Variants in IQCM observed in about 807,000 individuals in gnomAD.
The protein encoded by IQCM is IQ domain-containing protein M.
IQCM carries 45 observed loss-of-function variants against 57.6 expected under a neutral mutation model. The ratio of observed to expected loss-of-function variants is 0.78; its 90% confidence interval spans 0.62 to 1.00. IQCM has a LOEUF of 1.00. IQCM is among the 50% of genes least tolerant of loss of function. The probability of loss-of-function intolerance (pLI) is 0.00; values close to 1 mark genes in which losing one functional copy is unlikely to be tolerated. For synonymous variants in IQCM, 148 were observed against 158.9 expected (o/e 0.93, Z 0.51); for missense variants, 468 against 511.6 (o/e 0.91, Z 0.82).
At chr4:149,361,077 C>T (rs1209695586) in intron 13 of IQCM, among the ~76,000 whole-genome samples, 1 of 152,114 alleles carries the variant, frequency 6.6e-6, no homozygotes, top group Non-Finnish European at 1.5e-5. Context: ...GTAAAGGTGA[C>T]TCTTGTTACA....
chr4:149,778,645 C>G (rs1771328145), intron 2 of IQCM, among the ~76,000 whole-genome samples: 1 of 151,720 alleles, frequency 6.6e-6, no homozygotes, highest in Admixed American at 6.6e-5. Flanking sequence ...ACAAAAATTA[C>G]TAATATTAGA....
chr4:149,714,620 T>TATAC (rs1455985789), intron 5 of IQCM, among the ~76,000 whole-genome samples: 1 of 152,196 alleles, frequency 6.6e-6, no homozygotes. Context: ...TGTTTGTTCC[T>TATAC]ATACATACAT....
At chr4:149,455,204 C>T (rs1436341801) in intron 12 of IQCM, among the ~76,000 whole-genome samples, 1 of 151,992 alleles carries the variant, frequency 6.6e-6, no homozygotes, top group Non-Finnish European at 1.5e-5. Flanking sequence ...GCCGCACTGG[C>T]AGTTTATGCA....
intron 2 of IQCM, among the ~76,000 whole-genome samples, chr4:149,759,445 T>C (rs2149958417): frequency 6.6e-6 from 1 of 152,224 alleles, no homozygotes; most frequent in South Asian, 2.1e-4. Flanking sequence ...TCATCAATTG[T>C]AACAAATATA....
At chr4:149,700,516 C>T (rs1191778194) in intron 5 of IQCM, among the ~76,000 whole-genome samples, 2 of 151,950 alleles carry the variant, frequency 1.3e-5, no homozygotes, top group Non-Finnish European at 2.9e-5. Context: ...CAGCTGGGTA[C>T]CTACTGAGCA....
At chr4:149,397,913 G>T (rs1732343536) in intron 13 of IQCM, among the ~76,000 whole-genome samples, 1 of 151,874 alleles carries the variant, frequency 6.6e-6, no homozygotes, top group Admixed American at 6.6e-5. Flanking sequence ...TCATTGTGCA[G>T]AGCTTTTTAG....
At chr4:149,763,634 A>G (rs1235914772) in intron 2 of IQCM, among the ~76,000 whole-genome samples, 1 of 152,136 alleles carries the variant, frequency 6.6e-6, no homozygotes, top group African/African-American at 2.4e-5. Flanking sequence ...CATTTAGTAC[A>G]GATAATTTCA....
At chr4:149,709,515 T>C (rs1764404321) in intron 5 of IQCM, among the ~76,000 whole-genome samples, 1 of 152,048 alleles carries the variant, frequency 6.6e-6, no homozygotes, top group African/African-American at 2.4e-5. Flanking sequence ...CACACAAAAA[T>C]CTCATTTGAT....
intron 13 of IQCM, among the ~76,000 whole-genome samples, chr4:149,427,187 T>C (rs954564540): frequency 2.0e-5 from 3 of 152,040 alleles, no homozygotes; most frequent in African/African-American, 7.2e-5. Context: ...AACTCTGATG[T>C]TGCTTTATAT....
At chr4:149,766,939 A>G (rs77071713) in intron 2 of IQCM, among the ~76,000 whole-genome samples, 3,394 of 152,204 alleles carry the variant, frequency 0.022, 64 homozygotes, top group South Asian at 0.036. Flanking sequence ...TAAACCTAAT[A>G]GTAGTAATCA....
chr4:149,716,553 C>G (rs990350117), intron 5 of IQCM, among the ~76,000 whole-genome samples: 8 of 152,202 alleles, frequency 5.3e-5, no homozygotes, highest in African/African-American at 1.9e-4. Context: ...GGGCGGGGCT[C>G]ACACCTGTTT....
intron 12 of IQCM, among the ~76,000 whole-genome samples, chr4:149,512,405 G>T (rs1560934586): frequency 6.6e-6 from 1 of 152,092 alleles, no homozygotes; most frequent in Non-Finnish European, 1.5e-5. Context: ...TAAGAAATTT[G>T]GTAGTAAAGA....
intron 12 of IQCM, among the ~76,000 whole-genome samples, chr4:149,475,321 T>A (rs1409804596): frequency 6.6e-6 from 1 of 152,000 alleles, no homozygotes; most frequent in Non-Finnish European, 1.5e-5. Context: ...TTTGAAGCAA[T>A]TGGAAGGATG....
intron 12 of IQCM, among the ~76,000 whole-genome samples, chr4:149,524,468 C>T (rs532694429): frequency 6.6e-6 from 1 of 151,926 alleles, no homozygotes; most frequent in South Asian, 2.1e-4. Context: ...AATAAAGAAA[C>T]TAAAATTAGA....
intron 12 of IQCM, among the ~76,000 whole-genome samples, chr4:149,469,990 G>A (rs1464179607): frequency 6.6e-6 from 1 of 152,096 alleles, no homozygotes. Flanking sequence ...ACATGGAAAG[G>A]AACAACCAGT....
chr4:149,574,151 T>C (rs1751421335), intron 9 of IQCM, among the ~76,000 whole-genome samples: 1 of 151,992 alleles, frequency 6.6e-6, no homozygotes, highest in Non-Finnish European at 1.5e-5. Context: ...AAATGTATTG[T>C]GACTGTCAGA....
At chr4:149,469,709 AG>A (rs1739290870) in intron 12 of IQCM, among the ~76,000 whole-genome samples, 1 of 152,214 alleles carries the variant, frequency 6.6e-6, no homozygotes, top group African/African-American at 2.4e-5. Context: ...AAAAATGTTA[AG>A]GGCAGCCAGA....
intron 12 of IQCM, among the ~76,000 whole-genome samples, chr4:149,481,513 G>A (rs753708718): frequency 1.3e-5 from 2 of 151,714 alleles, no homozygotes; most frequent in Non-Finnish European, 2.9e-5. Flanking sequence ...TAAACAGACT[G>A]TCTTTTTCCC....
At chr4:149,408,660 A>G (rs1733153448) in intron 13 of IQCM, among the ~76,000 whole-genome samples, 2 of 152,180 alleles carry the variant, frequency 1.3e-5, no homozygotes, top group South Asian at 4.1e-4. Context: ...TATCCTCAGT[A>G]TGTTTGTGTT....
Sources: allele counts gnomAD v4.1 joint callset (sites outside exome capture counted in the v4.1 genomes callset), GRCh38; gene constraint gnomAD v4.1.1; transcripts MANE v1.5; gene names NCBI Gene and HGNC (gene_info 2026-07-23, HGNC 2026-07-21).